Variants in KCNH1 observed in about 807,000 individuals in gnomAD.
KCNH1 encodes voltage-gated delayed rectifier potassium channel KCNH1.
In KCNH1, 27 loss-of-function variants were observed where a neutral mutation model predicts 69.2. That is an observed-to-expected ratio of 0.39 (90% CI 0.29 to 0.54). The LOEUF is 0.54. Among genes scored for constraint, KCNH1 ranks in the 20% least tolerant of loss-of-function variants. KCNH1 has a pLI of 0.68. For synonymous variants in KCNH1, 456 were observed against 487.7 expected (o/e 0.93, Z 0.86); for missense variants, 798 against 1,261.6 (o/e 0.63, Z 5.57).
intron 7 of KCNH1, among the ~76,000 whole-genome samples, chr1:210,834,658 C>T (rs951592960): frequency 6.9e-6 from 1 of 144,178 alleles, no homozygotes; most frequent in Non-Finnish European, 1.5e-5. Context: ...ACATTGTGCA[C>T]ATGTACCCTA....
intron 6 of KCNH1, among the ~76,000 whole-genome samples, chr1:210,945,023 T>C (rs1317408194): frequency 1.3e-5 from 2 of 152,378 alleles, no homozygotes; most frequent in South Asian, 2.1e-4. Flanking sequence ...TTTGTCCTTT[T>C]GTGTCTGGCT....
chr1:210,847,479 G>A (rs1685582511), intron 7 of KCNH1, among the ~76,000 whole-genome samples: 1 of 150,440 alleles, frequency 6.6e-6, no homozygotes, highest in Non-Finnish European at 1.5e-5. Context: ...CTATCACAAG[G>A]ACAAAAAACC....
chr1:210,976,029 C>T lies in KCNH1; in HGVS notation c.1032+42754G>A, dbSNP rs372673867. On this transcript the variant is annotated intron_variant, in intron 6 of 10. Transcript: ENST00000271751. ...TCATCATCACTGGCTATCAGAGAAACGCAAATCAAAACCACAATGAGATAC... is the reference window on the plus strand; with the variant it reads ...TCATCATCACTGGCTATCAGAGAAATGCAAATCAAAACCACAATGAGATAC... Among the ~76,000 whole-genome samples the T allele has an allele frequency of 2.0e-3, 302 of 152,250 alleles. 2 individuals are homozygous for T. The highest frequency in any genetic ancestry group is 0.017 in the South Asian group (84 of 4,820).
chr1:210,853,953 A>AAAAACAAAAC (rs1553351797), intron 7 of KCNH1, among the ~76,000 whole-genome samples: 3 of 141,110 alleles, frequency 2.1e-5, no homozygotes, highest in Non-Finnish European at 3.0e-5. Flanking sequence ...AGCCAAAAAA[A>AAAAACAAAAC]AAAAAAAAAA....
intron 7 of KCNH1, among the ~76,000 whole-genome samples, chr1:210,895,962 G>C (rs990716628): frequency 1.3e-5 from 2 of 152,102 alleles, no homozygotes; most frequent in African/African-American, 4.8e-5. Context: ...AGACAACCAC[G>C]AGAGATTCTG....
chr1:210,755,776 G>C (rs1683385794), intron 10 of KCNH1, among the ~76,000 whole-genome samples: 3 of 152,034 alleles, frequency 2.0e-5, no homozygotes, highest in African/African-American at 4.8e-5. Flanking sequence ...CTTTCCCCCA[G>C]ATCCCCACTT....
At chr1:210,991,888 A>T (rs534654748) in intron 6 of KCNH1, among the ~76,000 whole-genome samples, 1 of 152,318 alleles carries the variant, frequency 6.6e-6, no homozygotes, top group South Asian at 2.1e-4. Context: ...CTCTCCTGAG[A>T]TTGGGGCCTC....
intron 10 of KCNH1, among the ~76,000 whole-genome samples, chr1:210,743,091 G>A (rs1053952592): frequency 6.6e-6 from 1 of 152,172 alleles, no homozygotes; most frequent in African/African-American, 2.4e-5. Context: ...CACAAAAGAT[G>A]GAGGAGATAA....
intron 7 of KCNH1, chr1:210,918,825 A>G (rs1687400869): frequency 6.6e-6 from 1 of 152,208 alleles, no homozygotes; most frequent in Non-Finnish European, 1.5e-5. Context: ...CCTAGGAGCT[A>G]CTTTTAAAAG....
At chr1:210,890,389 T>G (rs1686718966) in intron 7 of KCNH1, among the ~76,000 whole-genome samples, 1 of 152,148 alleles carries the variant, frequency 6.6e-6, no homozygotes, top group Non-Finnish European at 1.5e-5. Flanking sequence ...ATACAAAAAT[T>G]AATTCCAGAA....
intron 6 of KCNH1, among the ~76,000 whole-genome samples, chr1:211,000,889 C>T (rs1268726481): frequency 6.6e-6 from 1 of 152,080 alleles, no homozygotes; most frequent in Non-Finnish European, 1.5e-5. Context: ...CTTTGACAAA[C>T]CTGACAAAAA....
At chr1:210,722,554 C>A (rs1481892673) in intron 10 of KCNH1, among the ~76,000 whole-genome samples, 1 of 152,148 alleles carries the variant, frequency 6.6e-6, no homozygotes, top group Non-Finnish European at 1.5e-5. Context: ...TGAGTCCTGC[C>A]CTCTACTGCT....
chr1:210,722,683 C>T (rs11119580), intron 10 of KCNH1, among the ~76,000 whole-genome samples: 25,100 of 152,150 alleles, frequency 0.16, 2,165 homozygotes, highest in Admixed American at 0.22. Flanking sequence ...TTGATTTAAC[C>T]TCTATCCCCT....
chr1:210,994,040 C>T (rs1688979102), intron 6 of KCNH1, among the ~76,000 whole-genome samples: 1 of 151,980 alleles, frequency 6.6e-6, no homozygotes, highest in Non-Finnish European at 1.5e-5. Context: ...AAGAAAATAT[C>T]TAAAGTTTAA....
rs148809476 is a variant in KCNH1, at chr1:210,894,675, C to T, written c.1462+24965G>A. Among the ~76,000 whole-genome samples, 60 of 152,122 alleles carry T rather than the reference C, an allele frequency of 3.9e-4. 1 individual carries two copies. The East Asian group carries it at 8.3e-3, about 21-fold the overall frequency. On this transcript the variant is annotated intron_variant, in intron 7 of 10. Transcript: ENST00000271751. ...GATGCCAGTATCTTGAAAATGAGTT[C>T]GTTATTATTGGAGTATCTTTATTAT...
intron 5 of KCNH1, among the ~76,000 whole-genome samples, chr1:211,030,201 C>G (rs1215949319): frequency 5.9e-5 from 9 of 152,122 alleles, no homozygotes; most frequent in Admixed American, 5.2e-4. Flanking sequence ...ATAGCTAAAA[C>G]AATCTTGAAT....
At chr1:211,094,327 C>A (rs1397648832) in intron 3 of KCNH1, among the ~76,000 whole-genome samples, 3 of 152,280 alleles carry the variant, frequency 2.0e-5, no homozygotes, top group African/African-American at 7.2e-5. Context: ...AGCTGTCGCT[C>A]ACCTCCTGCT....
At chr1:210,783,820 G>A (rs958686414) in intron 9 of KCNH1, among the ~76,000 whole-genome samples, 8 of 152,172 alleles carry the variant, frequency 5.3e-5, no homozygotes, top group African/African-American at 1.9e-4. Flanking sequence ...GGTTTTTGTT[G>A]GAGCAGCTGA....
chr1:211,061,086 T>G (rs1159530950), intron 5 of KCNH1, among the ~76,000 whole-genome samples: 2 of 152,152 alleles, frequency 1.3e-5, no homozygotes, highest in East Asian at 3.9e-4. Flanking sequence ...CTGAATTCAA[T>G]AACGCATTAA....
Sources: allele counts gnomAD v4.1 joint callset (sites outside exome capture counted in the v4.1 genomes callset), GRCh38; gene constraint gnomAD v4.1.1; transcripts MANE v1.5; gene names NCBI Gene and HGNC (gene_info 2026-07-23, HGNC 2026-07-21).